Variants in RSPRY1 observed in about 807,000 individuals in gnomAD.
RSPRY1 encodes RING finger and SPRY domain-containing protein 1.
A neutral mutation model predicts 73.1 loss-of-function variants in RSPRY1; 23 were observed. The ratio of observed to expected loss-of-function variants is 0.31; its 90% CI spans 0.23 to 0.45. The LOEUF is 0.45. RSPRY1 is among the 20% of genes least tolerant of loss of function. The pLI, the probability that RSPRY1 is intolerant of heterozygous loss-of-function variation, is 1.00. For missense variants in RSPRY1, 448 were observed against 698.7 expected (o/e 0.64, Z 4.05); for synonymous variants, 226 against 251.4 (o/e 0.90, Z 0.95).
rs116297679 is a variant in RSPRY1, at chr16:57,210,788, C to T, written c.516+1601C>T. 7.2e-3 allele frequency among the ~76,000 whole-genome samples: 1,088 copies of T among 151,872 alleles called. 11 individuals carry two copies. The highest frequency in any genetic ancestry group is 0.025 in the African/African-American group (1,048 of 41,422). On this transcript the variant is annotated intron_variant, in intron 4 of 14. Transcript: ENST00000394420. ...ATCTCAACACTTTGGGAGGCCAAAGCAGGCAGATTGTTTGAGTCCAGGAGT... is the reference window on the plus strand; with the variant it reads ...ATCTCAACACTTTGGGAGGCCAAAGTAGGCAGATTGTTTGAGTCCAGGAGT...
At chr16:57,200,843 C>T (rs1168332812) in intron 1 of RSPRY1, among the ~76,000 whole-genome samples, 1 of 144,418 alleles carries the variant, frequency 6.9e-6, no homozygotes, top group Non-Finnish European at 1.5e-5. Context: ...AGAGGCGCCC[C>T]TCACCTCCCG....
intron 13 of RSPRY1, among the ~76,000 whole-genome samples, chr16:57,233,004 A>C (rs1045220884): frequency 6.6e-5 from 10 of 152,208 alleles, no homozygotes; most frequent in African/African-American, 2.4e-4. Context: ...AAATTGTGGC[A>C]TTAAGTATGA....
intron 10 of RSPRY1, among the ~76,000 whole-genome samples, chr16:57,225,143 C>G (rs1215037138): frequency 6.6e-6 from 1 of 152,268 alleles, no homozygotes; most frequent in African/African-American, 2.4e-5. Flanking sequence ...TCACTGCAAC[C>G]TCTGCCTCCC....
At chr16:57,224,851 A>G (rs1462954730) in intron 10 of RSPRY1, among the ~76,000 whole-genome samples, 1 of 152,174 alleles carries the variant, frequency 6.6e-6, no homozygotes, top group East Asian at 1.9e-4. Context: ...CTCTTTACCA[A>G]CTCATGGTGG....
At chr16:57,234,469 G>A (rs1418214921) in intron 13 of RSPRY1, among the ~76,000 whole-genome samples, 1 of 152,148 alleles carries the variant, frequency 6.6e-6, no homozygotes. Context: ...CAAAGGCAGG[G>A]ATACTTTTTT....
chr16:57,236,611 C>A (rs2075303037), intron 14 of RSPRY1, among the ~76,000 whole-genome samples: 1 of 152,156 alleles, frequency 6.6e-6, no homozygotes, highest in African/African-American at 2.4e-5. Flanking sequence ...AGTACTAAGG[C>A]TAGTTTCACA....
chr16:57,228,283 A>G (rs1305794655), intron 11 of RSPRY1, among the ~76,000 whole-genome samples: 1 of 151,484 alleles, frequency 6.6e-6, no homozygotes, highest in Admixed American at 6.6e-5. Context: ...AAAAAAAAAA[A>G]AAAAAAAAAA....
Position 57,239,133 on chromosome 16 carries a change from T to C in RSPRY1, c.*158T>C, listed in dbSNP as rs1453733974. 1.0e-5 allele frequency: 4 copies of C among 388,398 alleles called. No individual in the cohort carries two copies. The Admixed American group carries it at 1.8e-4, about 18-fold the overall frequency. The allele number at this position is 388,398 out of a possible 1,614,324, so 24.1% of individuals were successfully genotyped here. A position where few individuals can be genotyped will look rare whatever the true frequency, so the allele number is the denominator to read the frequency against. ...AAATGGTAGTTTGTCAAAGACAAAA[T>C]TCTCTTAGAATCTAATCCAACTTGC... On this transcript the variant is annotated 3_prime_UTR_variant, in exon 15 of 15. Coordinates refer to ENST00000394420, the MANE Select transcript of RSPRY1 (RefSeq NM_133368.3).
chr16:57,233,244 G>GT (rs2075252629), intron 13 of RSPRY1, among the ~76,000 whole-genome samples: 1 of 151,716 alleles, frequency 6.6e-6, no homozygotes, highest in East Asian at 1.9e-4. Flanking sequence ...TTTTATTATG[G>GT]AAAATTTCAA....
intron 4 of RSPRY1, among the ~76,000 whole-genome samples, chr16:57,212,350 A>G (rs1345744645): frequency 6.6e-6 from 1 of 152,172 alleles, no homozygotes; most frequent in South Asian, 2.1e-4. Flanking sequence ...TTGCTTAGTA[A>G]AACTTTTTTT....
At chr16:57,229,865 C>T (rs1407380235) in intron 11 of RSPRY1, among the ~76,000 whole-genome samples, 1 of 150,198 alleles carries the variant, frequency 6.7e-6, no homozygotes, top group Non-Finnish European at 1.5e-5. Flanking sequence ...GCCATTAACA[C>T]CCGGGTAATT....
At chr16:57,210,245 A>T (rs1567498988) in intron 4 of RSPRY1, among the ~76,000 whole-genome samples, 2 of 150,952 alleles carry the variant, frequency 1.3e-5, no homozygotes, top group Non-Finnish European at 3.0e-5. Context: ...ACCTAGCTAA[A>T]TTTTTTTTAT....
chr16:57,199,364 C>T (rs1174570886), intron 1 of RSPRY1, among the ~76,000 whole-genome samples: 9 of 152,004 alleles, frequency 5.9e-5, no homozygotes, highest in African/African-American at 9.6e-5. Flanking sequence ...TGGTGGCGTG[C>T]GCCTGTAATC....
chr16:57,231,337 G>C lies in RSPRY1; in HGVS notation c.1529+18G>C. ...TTGCCAAGGTAAGGAATCTGCCCAG[G>C]CTATCTCCAGACTTTCACATGAATC... is the stretch of plus-strand genomic sequence containing the variant. On this transcript the variant is annotated intron_variant, in intron 13 of 14. Coordinates refer to ENST00000394420, the MANE Select transcript of RSPRY1 (RefSeq NM_133368.3). 1 of 1,597,216 alleles carries C rather than the reference G, an allele frequency of 6.3e-7. No individual in the cohort carries two copies. The highest frequency in any genetic ancestry group is 8.5e-7 in the Non-Finnish European group (1 of 1,170,998).
intron 1 of RSPRY1, among the ~76,000 whole-genome samples, chr16:57,190,668 C>T (rs973290671): frequency 6.6e-6 from 1 of 152,150 alleles, no homozygotes; most frequent in Non-Finnish European, 1.5e-5. Flanking sequence ...GGGCAACAGC[C>T]TTTTGGAGGG....
At position 57,220,790 on chromosome 16, in the gene RSPRY1, C is replaced by G. The variant is rs763021842; in HGVS notation, c.960C>G (p.Ala320=). 1.1e-5 allele frequency: 17 copies of G among 1,613,852 alleles called. No homozygotes were observed. Among genetic ancestry groups the G allele is most frequent in the Non-Finnish European group, 1.4e-5 (17 of 1,179,870 alleles). The change falls in exon 9 of 15, where the codon GCC becomes GCG. Residue 320 remains alanine (A), a synonymous_variant. Coordinates refer to ENST00000394420, the MANE Select transcript of RSPRY1 (RefSeq NM_133368.3). The stretch of plus-strand genomic sequence containing the variant: ...AAGTGAACTTGAGTAGCATTAGGGC[C>G]ATGCTGAATAGCAATGATGTCAGCG... ...YEKVNLSSIR[A]MLNSNDVSEY... is the part of the protein sequence containing the mutation.
intron 11 of RSPRY1, 30 bp from the exon 12 acceptor site, chr16:57,230,681 A>G: frequency 8.1e-7 from 1 of 1,241,844 alleles, no homozygotes; most frequent in Non-Finnish European, 1.2e-6. Context: ...ACACATCATT[A>G]TCCTAACAGT....
At chr16:57,198,995 C>T (rs936393621) in intron 1 of RSPRY1, among the ~76,000 whole-genome samples, 2 of 152,248 alleles carry the variant, frequency 1.3e-5, no homozygotes, top group Admixed American at 1.3e-4. Context: ...TCCTGGACTA[C>T]TCCCTTCTAC....
chr16:57,204,460 T>C (rs1789533895), intron 1 of RSPRY1, 44 bp from the exon 2 acceptor site: 5 of 553,018 alleles, frequency 9.0e-6, no homozygotes, highest in Non-Finnish European at 1.6e-5. Context: ...AATTAAGTGG[T>C]CAAGAATCTT....
Sources: allele counts gnomAD v4.1 joint callset (sites outside exome capture counted in the v4.1 genomes callset), GRCh38; gene constraint gnomAD v4.1.1; transcripts MANE v1.5; gene names NCBI Gene and HGNC (gene_info 2026-07-23, HGNC 2026-07-21).